GLT1D1: variants seen among roughly 807,000 people sequenced by gnomAD.
The protein encoded by GLT1D1 is glycosyltransferase 1 domain-containing protein 1.
A neutral mutation model predicts 28.7 loss-of-function variants in GLT1D1; 21 were observed. That is an observed-to-expected ratio of 0.73 (90% CI 0.52 to 1.05). GLT1D1 has a LOEUF of 1.05. Among genes scored for constraint, GLT1D1 ranks in the 50% least tolerant of loss-of-function variants. The pLI, the probability that GLT1D1 is intolerant of heterozygous loss-of-function variation, is 0.00. For missense variants in GLT1D1, 343 were observed against 330.6 expected (o/e 1.04, Z -0.29); for synonymous variants, 147 against 124.8 (o/e 1.18, Z -1.19).
At chr12:128,892,794 A>G (rs1229888889) in intron 3 of GLT1D1, among the ~76,000 whole-genome samples, 5 of 152,156 alleles carry the variant, frequency 3.3e-5, no homozygotes, top group Middle Eastern at 3.4e-3. Flanking sequence ...TCTATATTAT[A>G]TAGTATTCAA....
intron 4 of GLT1D1, among the ~76,000 whole-genome samples, chr12:128,939,958 A>AATAT (rs140196849): frequency 2.0e-5 from 3 of 147,230 alleles, no homozygotes; most frequent in Middle Eastern, 3.6e-3. Flanking sequence ...CCCCATTTTT[A>AATAT]ATATATATAT....
intron 3 of GLT1D1, among the ~76,000 whole-genome samples, chr12:128,891,081 C>T (rs937591883): frequency 6.8e-6 from 1 of 146,850 alleles, no homozygotes; most frequent in Non-Finnish European, 1.5e-5. Flanking sequence ...GCACTCTAGC[C>T]TGGGTGACAG....
At chr12:128,919,943 TTCTCTCTCTCTCTCTC>T (rs1160496585) in intron 4 of GLT1D1, among the ~76,000 whole-genome samples, 1 of 109,708 alleles carries the variant, frequency 9.1e-6, no homozygotes, top group African/African-American at 3.6e-5. Flanking sequence ...TATTGCTTAT[TTCTCTCTCTCTCTCTC>T]TCTCTCTCTC....
chr12:128,946,113 A>T (rs1876035859), intron 5 of GLT1D1, among the ~76,000 whole-genome samples: 1 of 152,202 alleles, frequency 6.6e-6, no homozygotes, highest in South Asian at 2.1e-4. Context: ...TCCTAGGTGC[A>T]GACGCGTGTG....
At position 128,983,139 on chromosome 12, in the gene GLT1D1, C is replaced by G. The variant is rs111512414; in HGVS notation, c.*49C>G. 3,154 of 1,532,694 alleles carry G rather than the reference C, an allele frequency of 2.1e-3. 60 individuals carry two copies. In the African/African-American group the frequency reaches 0.039, roughly 19 times the overall value. 94.9% of individuals were successfully genotyped at this position (1,532,694 alleles called of 1,614,324 possible). ...GCTCTCTGACACACAGCTCTGGGTG[C>G]ACACTCAGAGACAGAGTTCTGGATC... is the stretch of plus-strand genomic sequence containing the variant. On this transcript the variant is annotated 3_prime_UTR_variant, in exon 8 of 8. Transcript: ENST00000281703. The surrounding 1 kb of genome is among the most constrained non-coding windows in gnomAD (Gnocchi z 4.7).
chr12:128,869,956 T>TTTTG (rs1956641323), intron 1 of GLT1D1, among the ~76,000 whole-genome samples: 1 of 122,182 alleles, frequency 8.2e-6, no homozygotes, highest in African/African-American at 3.0e-5. Context: ...TTTTTTTTTT[T>TTTTG]GAGGCAGAGT....
chr12:128,966,688 T>TG (rs1878490630), intron 7 of GLT1D1, among the ~76,000 whole-genome samples: 1 of 151,786 alleles, frequency 6.6e-6, no homozygotes, highest in South Asian at 2.1e-4. Flanking sequence ...GGTCCCGGGG[T>TG]GGGGGTGGCA....
chr12:128,963,115 C>G, intron 7 of GLT1D1, among the ~76,000 whole-genome samples: 1 of 152,230 alleles, frequency 6.6e-6, no homozygotes, highest in East Asian at 1.9e-4. Flanking sequence ...AAAATGAGAA[C>G]TGTAACTCAG....
In GLT1D1 at chr12:128,932,443, CAG is replaced by C. The variant is rs1461614798; in HGVS notation, c.376-12880_376-12879del. 2.6e-5 allele frequency among the ~76,000 whole-genome samples: 4 copies of C among 152,346 alleles called. No individual in the cohort carries two copies. The East Asian group carries it at 5.8e-4, about 22-fold the overall frequency. On this transcript the variant is annotated intron_variant, in intron 4 of 7. Coordinates refer to ENST00000281703, the MANE Select transcript of GLT1D1 (RefSeq NM_144669.3). The stretch of plus-strand genomic sequence containing the variant: ...GTAGCTGGGAGAGGCGGCCCTGCAG[CAG>C]AGTGTCCGGGACCCTGGTGGGAAGG...
chr12:128,927,469 A>C (rs1873347907), intron 4 of GLT1D1, among the ~76,000 whole-genome samples: 1 of 146,584 alleles, frequency 6.8e-6, no homozygotes, highest in Admixed American at 6.7e-5. Context: ...CCATCTCCTG[A>C]CCTTGTGATC....
At chr12:128,972,255 G>A (rs1233314976) in intron 7 of GLT1D1, among the ~76,000 whole-genome samples, 1 of 152,246 alleles carries the variant, frequency 6.6e-6, no homozygotes. Context: ...TTTGGTCTGT[G>A]ACCACCGCCC....
chr12:128,895,702 T>TC (rs1415524645), intron 3 of GLT1D1, among the ~76,000 whole-genome samples: 3 of 151,482 alleles, frequency 2.0e-5, no homozygotes, highest in Non-Finnish European at 4.4e-5. Context: ...CAGGTGATCC[T>TC]CCCCCCTCGG....
intron 7 of GLT1D1, among the ~76,000 whole-genome samples, chr12:128,979,952 C>T (rs470410): frequency 0.36 from 55,469 of 152,060 alleles, 10,346 homozygotes; most frequent in Non-Finnish European, 0.4. Flanking sequence ...AAAAATAGAA[C>T]GGTTGTATGG....
chr12:128,879,446 C>CTTTCTTTCTTT (rs1956975241), intron 2 of GLT1D1, among the ~76,000 whole-genome samples: 2 of 103,874 alleles, frequency 1.9e-5, no homozygotes, highest in African/African-American at 7.3e-5. Context: ...TTCTTTCTTT[C>CTTTCTTTCTTT]TTTCTTTCTT....
At chr12:128,917,605 T>C (rs1049463539) in intron 4 of GLT1D1, among the ~76,000 whole-genome samples, 3 of 152,166 alleles carry the variant, frequency 2.0e-5, no homozygotes, top group Non-Finnish European at 4.4e-5. Context: ...AAGAAGAGAC[T>C]GAAGATGCAA....
At chr12:128,945,517 A>C in intron 5 of GLT1D1, 148 bp downstream of exon 9, 1 of 713,666 alleles carries the variant, frequency 1.4e-6, no homozygotes, top group Non-Finnish European at 2.5e-6. Flanking sequence ...AGCCCGTGGC[A>C]TCCTAGGCAC....
chr12:128,854,699 G>A (rs1956169203), intron 1 of GLT1D1, among the ~76,000 whole-genome samples: 1 of 152,014 alleles, frequency 6.6e-6, no homozygotes, highest in Admixed American at 6.6e-5. Flanking sequence ...GTTTCACCAT[G>A]TTGGCCAGGT....
At chr12:128,923,358 C>T (rs546175928) in intron 4 of GLT1D1, among the ~76,000 whole-genome samples, 12 of 152,228 alleles carry the variant, frequency 7.9e-5, no homozygotes, top group Admixed American at 4.6e-4. Context: ...CTATTGCATG[C>T]GTCGTGTACT....
intron 7 of GLT1D1, among the ~76,000 whole-genome samples, chr12:128,972,521 C>T (rs1879284980): frequency 1.3e-5 from 2 of 152,176 alleles, no homozygotes; most frequent in Admixed American, 6.5e-5. Context: ...CCTTTCACCC[C>T]AAAGACTGAG....
Sources: allele counts gnomAD v4.1 joint callset (sites outside exome capture counted in the v4.1 genomes callset), GRCh38; gene constraint gnomAD v4.1.1; non-coding constraint Gnocchi (gnomAD v3.1); transcripts MANE v1.5; gene names NCBI Gene and HGNC (gene_info 2026-07-23, HGNC 2026-07-21).